Variants in CGNL1 observed in about 807,000 individuals in gnomAD.
CGNL1 encodes cingulin-like protein 1.
A neutral mutation model predicts 141.2 loss-of-function variants in CGNL1; 132 were observed. That is an observed-to-expected ratio of 0.93 (90% CI 0.81 to 1.08). The LOEUF (loss-of-function observed/expected upper bound fraction) is 1.08, where lower values mean the gene tolerates loss of function less well. CGNL1 is among the 50% of genes least tolerant of loss of function. The pLI is 0.00. For missense variants in CGNL1, 1,870 were observed against 1,588.6 expected (o/e 1.18, Z -3.01); for synonymous variants, 690 against 622.1 (o/e 1.11, Z -1.63).
chr15:57,517,247 A>G (rs1467230163), intron 9 of CGNL1, among the ~76,000 whole-genome samples: 1 of 152,224 alleles, frequency 6.6e-6, no homozygotes, highest in Non-Finnish European at 1.5e-5. Context: ...GATACCAGAC[A>G]TACCCAGCCT....
chr15:57,504,439 A>G (rs2064071934), intron 8 of CGNL1, among the ~76,000 whole-genome samples: 1 of 152,212 alleles, frequency 6.6e-6, no homozygotes, highest in Non-Finnish European at 1.5e-5. Context: ...GATGAACTCC[A>G]GATTTTGTTT....
rs1313961776 is a variant in CGNL1, at chr15:57,439,028, G to C, written c.1029G>C (p.Arg343=). The C allele has an allele frequency of 6.2e-7, 1 of 1,614,026 alleles. No homozygotes were observed. Among genetic ancestry groups the C allele is most frequent in the Non-Finnish European group, 8.5e-7 (1 of 1,180,040 alleles). ...TTCCCTTCCTGCCAGGAACTGGACG[G>C]GATATTGATACAGGATCAATTCCTG... The part of the protein sequence containing the change: ...RYIPFLPGTG[R]DIDTGSIPGV... Residue 343 remains arginine (R), a synonymous_variant, in exon 2 of 19, where the codon CGG becomes CGC. Transcript: ENST00000281282.
At chr15:57,467,418 A>G (rs1264970032) in intron 8 of CGNL1, among the ~76,000 whole-genome samples, 1 of 152,152 alleles carries the variant, frequency 6.6e-6, no homozygotes, top group Non-Finnish European at 1.5e-5. Context: ...AGCATGAGCA[A>G]TACCTTGTAG....
At chr15:57,522,832 C>A (rs2031356605) in intron 10 of CGNL1, among the ~76,000 whole-genome samples, 1 of 152,136 alleles carries the variant, frequency 6.6e-6, no homozygotes, top group African/African-American at 2.4e-5. Context: ...AATCAACAAC[C>A]ACCTACCTGG....
chr15:57,503,832 G>A (rs1167597659), intron 8 of CGNL1, among the ~76,000 whole-genome samples: 1 of 152,158 alleles, frequency 6.6e-6, no homozygotes, highest in Non-Finnish European at 1.5e-5. Flanking sequence ...ACTATCATGA[G>A]ACTAGGATGG....
chr15:57,466,713 A>G (rs1259452856), intron 8 of CGNL1, among the ~76,000 whole-genome samples: 2 of 152,224 alleles, frequency 1.3e-5, no homozygotes, highest in Admixed American at 1.3e-4. Context: ...AGAGTCCTCA[A>G]CAATCTGAAG....
At chr15:57,398,978 G>T (rs1567093277) in intron 1 of CGNL1, among the ~76,000 whole-genome samples, 1 of 152,084 alleles carries the variant, frequency 6.6e-6, no homozygotes, top group Non-Finnish European at 1.5e-5. Flanking sequence ...TTCCTTTTGA[G>T]TTGGCACATA....
At chr15:57,511,696 C>A (rs942306581) in intron 8 of CGNL1, among the ~76,000 whole-genome samples, 1 of 152,132 alleles carries the variant, frequency 6.6e-6, no homozygotes, top group Non-Finnish European at 1.5e-5. Context: ...AGTGATGATC[C>A]AATCTTGAAA....
At chr15:57,408,707 C>T (rs1157145912) in intron 1 of CGNL1, among the ~76,000 whole-genome samples, 1 of 151,956 alleles carries the variant, frequency 6.6e-6, no homozygotes, top group African/African-American at 2.4e-5. Context: ...CATAGGGGTT[C>T]GTAGACGCCC....
chr15:57,531,846 C>T, intron 14 of CGNL1, 67 bp downstream of exon 14: 1 of 1,014,676 alleles, frequency 9.9e-7, no homozygotes, highest in Non-Finnish European at 1.6e-6. Flanking sequence ...GGGGTTAATC[C>T]TGGGGCTTCA....
chr15:57,420,702 T>A (rs1005667333), intron 1 of CGNL1, among the ~76,000 whole-genome samples: 67 of 152,342 alleles, frequency 4.4e-4, no homozygotes, highest in African/African-American at 1.5e-3. Flanking sequence ...TTCTATCACC[T>A]CCTTCTGTGA....
chr15:57,441,073 CAAA>C (rs11301544), intron 3 of CGNL1, among the ~76,000 whole-genome samples: 71,630 of 139,068 alleles, frequency 0.52, 17,975 homozygotes, highest in Non-Finnish European at 0.59. Flanking sequence ...AGAGGAAGGA[CAAA>C]AAAAAAAAAA....
chr15:57,485,040 G>T (rs2063770000), intron 8 of CGNL1, among the ~76,000 whole-genome samples: 1 of 151,160 alleles, frequency 6.6e-6, no homozygotes, highest in Non-Finnish European at 1.5e-5. Flanking sequence ...AGATTCTTGA[G>T]GTAGGAGCTT....
rs61564944 is a variant in CGNL1, at chr15:57,442,182, G to GAAAAAAAAAAAAA, written c.1698-182_1698-170dup. ...TTGAGTGGTAACACATCATTTATTT[G>GAAAAAAAAAAAAA]AAAAAAAAAAAAAAAAAAAAAGACA... On this transcript the variant is annotated intron_variant, in intron 3 of 18. Transcript: ENST00000281282. Among the ~76,000 whole-genome samples, 71 of 96,498 alleles carry GAAAAAAAAAAAAA rather than the reference G, an allele frequency of 7.4e-4. 8 individuals carry two copies. The highest frequency in any genetic ancestry group is 1.8e-3 in the African/African-American group (43 of 23,298). 63.3% of individuals were successfully genotyped at this position (96,498 alleles called of 152,430 possible).
Position 57,439,582 on chromosome 15 carries a change from C to T in CGNL1, c.1583C>T (p.Pro528Leu), listed in dbSNP as rs2152308032. ...GAKKISVKTFPSASNTQATPD... is the reference protein window; with the variant it reads ...GAKKISVKTFLSASNTQATPD... ...AAGAAAATTTCCGTGAAGACATTTCCTTCGGCCTCAAATACTCAGGTAACA... is the reference window on the plus strand; with the variant it reads ...AAGAAAATTTCCGTGAAGACATTTCTTTCGGCCTCAAATACTCAGGTAACA... The change falls in exon 2 of 19, where the codon CCT (proline) becomes CTT (leucine). Residue 528 changes from proline to leucine, a missense_variant. Coordinates refer to ENST00000281282, the MANE Select transcript of CGNL1 (RefSeq NM_032866.5). 3 of 1,613,384 alleles carry T rather than the reference C, an allele frequency of 1.9e-6. No homozygotes were observed. Among genetic ancestry groups the T allele is most frequent in the Non-Finnish European group, 2.5e-6 (3 of 1,179,984 alleles).
chr15:57,516,835 C>A lies in CGNL1; in HGVS notation c.2459C>A (p.Thr820Asn), dbSNP rs376942189. Residue 820 changes from threonine to asparagine, a missense_variant, in exon 9 of 19, where the codon ACT (threonine) becomes AAT (asparagine). Transcript: ENST00000281282. ...ACTTCAGAGCAAGACCAGGCGGGGA[C>A]TGAAATGCGCGTGAAGCTTCTGCAG... ...SNTSEQDQAG[T>N]EMRVKLLQEE... 2 of 1,614,060 alleles carry A rather than the reference C, an allele frequency of 1.2e-6. No homozygotes were observed. Among genetic ancestry groups the A allele is most frequent in the African/African-American group, 2.7e-5 (2 of 74,936 alleles).
chr15:57,433,043 G>T (rs1372156401), intron 1 of CGNL1, among the ~76,000 whole-genome samples: 1 of 150,354 alleles, frequency 6.7e-6, no homozygotes, highest in African/African-American at 2.5e-5. Flanking sequence ...GTCAGCATAA[G>T]AACTGATTTT....
intron 10 of CGNL1, among the ~76,000 whole-genome samples, chr15:57,521,987 C>CT (rs2031289980): frequency 6.6e-6 from 1 of 152,160 alleles, no homozygotes; most frequent in Non-Finnish European, 1.5e-5. Flanking sequence ...CCATACCTCA[C>CT]TGGTTCTATA....
intron 8 of CGNL1, among the ~76,000 whole-genome samples, chr15:57,473,905 T>C (rs796527729): frequency 3.1e-4 from 20 of 63,506 alleles, no homozygotes; most frequent in South Asian, 9.0e-4. Flanking sequence ...TCTTCTTTTT[T>C]TTTTTTTTTT....
Sources: gnomAD v4.1 joint callset for allele counts (sites outside exome capture counted in the v4.1 genomes callset) on GRCh38, gnomAD v4.1.1 for gene constraint, MANE v1.5 for transcripts, NCBI Gene and HGNC (gene_info 2026-07-23, HGNC 2026-07-21) for gene names.